Variants in CHST9 observed in about 807,000 individuals in gnomAD.
CHST9 encodes the protein carbohydrate sulfotransferase 9, also known as GalNAc-4-sulfotransferase 2.
In CHST9, 41 loss-of-function variants were observed where a neutral mutation model predicts 44.4. That is an observed-to-expected ratio of 0.92 (90% CI 0.72 to 1.20). The LOEUF is 1.20. CHST9 is among the 50% of genes most tolerant of loss of function. The pLI, the probability that CHST9 is intolerant of heterozygous loss-of-function variation, is 0.00. For synonymous variants in CHST9, 171 were observed against 178.4 expected (o/e 0.96, Z 0.33); for missense variants, 504 against 516.5 (o/e 0.98, Z 0.23).
intron 1 of CHST9, among the ~76,000 whole-genome samples, chr18:27,165,104 G>A (rs1009249234): frequency 6.6e-6 from 1 of 152,140 alleles, no homozygotes; most frequent in Non-Finnish European, 1.5e-5. Flanking sequence ...TAGAGAGCAA[G>A]CATTTCAAAT....
intron 3 of CHST9, among the ~76,000 whole-genome samples, chr18:27,047,162 A>G (rs1425939776): frequency 6.6e-6 from 1 of 152,026 alleles, no homozygotes; most frequent in African/African-American, 2.4e-5. Context: ...TTCAGAAGCC[A>G]TGACTATTGA....
chr18:27,117,115 T>C (rs1386962426), intron 2 of CHST9, among the ~76,000 whole-genome samples: 5 of 133,320 alleles, frequency 3.8e-5, no homozygotes, highest in African/African-American at 1.4e-4. Flanking sequence ...GACTGAAAAA[T>C]AGAAATAATA....
intron 3 of CHST9, among the ~76,000 whole-genome samples, chr18:27,029,947 C>A (rs768108544): frequency 6.6e-6 from 1 of 152,096 alleles, no homozygotes; most frequent in Non-Finnish European, 1.5e-5. Context: ...ATTTAAGCAC[C>A]AGTTTTGAAG....
At chr18:27,023,750 A>G (rs2057251240) in intron 4 of CHST9, among the ~76,000 whole-genome samples, 1 of 152,248 alleles carries the variant, frequency 6.6e-6, no homozygotes, top group Non-Finnish European at 1.5e-5. Flanking sequence ...GACACTTTAA[A>G]CAATAGACTA....
chr18:27,085,203 G>A (rs1047913840), intron 2 of CHST9, among the ~76,000 whole-genome samples: 2 of 152,012 alleles, frequency 1.3e-5, no homozygotes, highest in Non-Finnish European at 2.9e-5. Flanking sequence ...TTTGGACATA[G>A]GCCCTGGCAA....
At chr18:27,175,647 A>G (rs1011358714) in intron 1 of CHST9, among the ~76,000 whole-genome samples, 12 of 152,150 alleles carry the variant, frequency 7.9e-5, no homozygotes, top group African/African-American at 2.6e-4. Flanking sequence ...TTAGAATGTG[A>G]GGGTGGATAC....
chr18:27,146,462 T>C (rs1277785263), intron 1 of CHST9, among the ~76,000 whole-genome samples: 1 of 152,212 alleles, frequency 6.6e-6, no homozygotes, highest in Non-Finnish European at 1.5e-5. Flanking sequence ...TAAGCAAACC[T>C]GAAGGTCAGC....
chr18:27,184,991 A>G (rs1303678184), intron 1 of CHST9, 145 bp downstream of exon 1: 9 of 152,186 alleles, frequency 5.9e-5, no homozygotes, highest in African/African-American at 2.2e-4. Flanking sequence ...AGCCTCCCGC[A>G]TCTCCAGCGG....
At chr18:26,959,540 T>C (rs913721472) in intron 4 of CHST9, among the ~76,000 whole-genome samples, 16 of 152,178 alleles carry the variant, frequency 1.1e-4, no homozygotes, top group Non-Finnish European at 2.1e-4. Flanking sequence ...GAAGACTTCA[T>C]GGAAGAGACA....
intron 5 of CHST9, among the ~76,000 whole-genome samples, chr18:26,925,034 C>G (rs574736144): frequency 6.6e-6 from 1 of 151,566 alleles, no homozygotes; most frequent in East Asian, 2.0e-4. Flanking sequence ...TACGGAGCAT[C>G]CTTGTGGTCA....
chr18:27,031,216 T>C (rs1314641781), intron 3 of CHST9, among the ~76,000 whole-genome samples: 1 of 152,206 alleles, frequency 6.6e-6, no homozygotes, highest in Non-Finnish European at 1.5e-5. Flanking sequence ...CAATTCTGCT[T>C]CTTCAAATTC....
intron 2 of CHST9, among the ~76,000 whole-genome samples, chr18:27,053,253 A>AAGAAGAAGAAGAAGAAGAAGGAGAAGG (rs2057602487): frequency 8.9e-6 from 1 of 112,946 alleles, no homozygotes. Flanking sequence ...GAAGAAGAAG[A>AAGAAGAAGAAGAAGAAGAAGGAGAAGG]AGAAGAAGGA....
At chr18:27,116,096 A>C (rs1375716969) in intron 2 of CHST9, among the ~76,000 whole-genome samples, 1 of 151,770 alleles carries the variant, frequency 6.6e-6, no homozygotes, top group Non-Finnish European at 1.5e-5. Context: ...TTGTCTTTTC[A>C]CTTTCTTTAT....
At chr18:27,098,150 A>G (rs2058135545) in intron 2 of CHST9, among the ~76,000 whole-genome samples, 1 of 152,104 alleles carries the variant, frequency 6.6e-6, no homozygotes, top group Non-Finnish European at 1.5e-5. Context: ...GGTGAAGGAT[A>G]TGAACAGACA....
chr18:26,972,440 C>CATGCAGCT (rs1475259648), intron 4 of CHST9, among the ~76,000 whole-genome samples: 1 of 149,604 alleles, frequency 6.7e-6, no homozygotes, highest in Admixed American at 6.6e-5. Context: ...CAGAGTCAGT[C>CATGCAGCT]ATGCAGCTAT....
intron 1 of CHST9, among the ~76,000 whole-genome samples, chr18:27,168,114 G>A (rs1036234888): frequency 2.8e-5 from 4 of 142,006 alleles, no homozygotes; most frequent in Admixed American, 7.6e-5. Flanking sequence ...TTGCTCTGTC[G>A]CGCAGGCTGG....
At chr18:27,171,485 T>C (rs1210853796) in intron 1 of CHST9, among the ~76,000 whole-genome samples, 1 of 152,154 alleles carries the variant, frequency 6.6e-6, no homozygotes, top group Non-Finnish European at 1.5e-5. Context: ...ATAATAAAAA[T>C]GTAACCAAAA....
chr18:26,915,988 G>T lies in CHST9; in HGVS notation c.*271C>A. The T allele has an allele frequency of 3.6e-6, 1 of 276,800 alleles. No individual in the cohort carries two copies. Among genetic ancestry groups the T allele is most frequent in the Non-Finnish European group, 6.8e-6 (1 of 146,070 alleles). The allele number at this position is 276,800 out of a possible 1,614,324, so 17.1% of individuals were successfully genotyped here. Reference sequence around the variant, plus strand: ...GCTGCTTTAGCTAATGCAACAGCTGGCTAGGTTATTGCTTCAACAATATAA... The same window carrying T: ...GCTGCTTTAGCTAATGCAACAGCTGTCTAGGTTATTGCTTCAACAATATAA... On this transcript the variant is annotated 3_prime_UTR_variant, in exon 6 of 6. Transcript: ENST00000618847.
intron 2 of CHST9, among the ~76,000 whole-genome samples, chr18:27,081,435 C>A (rs1015719837): frequency 6.6e-6 from 1 of 152,152 alleles, no homozygotes; most frequent in African/African-American, 2.4e-5. Flanking sequence ...TCTCTGATTG[C>A]AGGAGAACAG....
Sources: allele counts gnomAD v4.1 joint callset (sites outside exome capture counted in the v4.1 genomes callset), GRCh38; gene constraint gnomAD v4.1.1; transcripts MANE v1.5; gene names NCBI Gene and HGNC (gene_info 2026-07-23, HGNC 2026-07-21).